The following CLEC16A variants were observed in gnomAD, a reference collection of about 807,000 sequenced individuals.
CLEC16A encodes the protein C-type lectin domain containing 16A.
In CLEC16A, 51 loss-of-function variants were observed where a neutral mutation model predicts 109.5. The observed-to-expected ratio is 0.47, with a 90% CI of 0.37 to 0.59. The LOEUF (loss-of-function observed/expected upper bound fraction) is 0.59, where lower values mean the gene tolerates loss of function less well. CLEC16A is among the 20% of genes least tolerant of loss of function. The pLI, the probability that CLEC16A is intolerant of heterozygous loss-of-function variation, is 0.00. For missense variants in CLEC16A, 1,339 were observed against 1,394.0 expected (o/e 0.96, Z 0.63); for synonymous variants, 673 against 564.2 (o/e 1.19, Z -2.73).
At chr16:11,068,472 T>C (rs1480593986) in intron 19 of CLEC16A, among the ~76,000 whole-genome samples, 1 of 152,148 alleles carries the variant, frequency 6.6e-6, no homozygotes, top group Non-Finnish European at 1.5e-5. Context: ...TTCATGGGAG[T>C]GAACCCTTCT....
chr16:11,054,117 A>G (rs973064537), intron 18 of CLEC16A, among the ~76,000 whole-genome samples: 1 of 152,226 alleles, frequency 6.6e-6, no homozygotes, highest in South Asian at 2.1e-4. Context: ...GGGTGCTGGC[A>G]GGAGCCAGAT....
intron 22 of CLEC16A, 28 bp from the exon 23 acceptor site, chr16:11,166,360 C>T: frequency 6.3e-7 from 1 of 1,575,042 alleles, no homozygotes; most frequent in Non-Finnish European, 8.6e-7. Flanking sequence ...TTTGCTTCCA[C>T]TTGGTCACCT....
At chr16:11,109,169 C>CTTT (rs35252592) in intron 19 of CLEC16A, among the ~76,000 whole-genome samples, 15 of 133,164 alleles carry the variant, frequency 1.1e-4, no homozygotes, top group South Asian at 4.8e-4. Context: ...ACAGCCCTGA[C>CTTT]TTTTTTTTTT....
chr16:11,166,372 GTAC>G lies in CLEC16A; in HGVS notation c.2642-14_2642-12del. On this transcript the variant is annotated splice_polypyrimidine_tract_variant and intron_variant, in intron 22 of 23. Coordinates refer to ENST00000409790, the MANE Select transcript of CLEC16A (RefSeq NM_015226.3). The stretch of plus-strand genomic sequence containing the variant: ...CTCTTTGCTTCCACTTGGTCACCTG[GTAC>G]TTTGTCTTGCAGGCTTCGCCGTGGC... 1 of 1,587,282 alleles carries G rather than the reference GTAC, an allele frequency of 6.3e-7. No individual in the cohort carries two copies. The highest frequency in any genetic ancestry group is 1.1e-5 in the South Asian group (1 of 89,728).
At chr16:11,173,690 G>A (rs1171839705) in intron 23 of CLEC16A, among the ~76,000 whole-genome samples, 1 of 152,082 alleles carries the variant, frequency 6.6e-6, no homozygotes, top group African/African-American at 2.4e-5. Flanking sequence ...CTGGTTTGAT[G>A]CCAGTCCTCC....
intron 1 of CLEC16A, among the ~76,000 whole-genome samples, chr16:10,947,481 T>G (rs1455401958): frequency 6.6e-6 from 1 of 152,004 alleles, no homozygotes; most frequent in Non-Finnish European, 1.5e-5. Context: ...CCAGCGCGGG[T>G]TCTCCAAGAA....
At chr16:10,966,289 G>T (rs929948509) in intron 3 of CLEC16A, among the ~76,000 whole-genome samples, 4 of 152,220 alleles carry the variant, frequency 2.6e-5, no homozygotes, top group Non-Finnish European at 5.9e-5. Flanking sequence ...GGTAATAAGC[G>T]AAAGAGGCCA....
At chr16:11,092,975 C>A (rs1050780366) in intron 19 of CLEC16A, among the ~76,000 whole-genome samples, 11 of 152,198 alleles carry the variant, frequency 7.2e-5, no homozygotes, top group African/African-American at 2.7e-4. Flanking sequence ...CTCCCCCTAC[C>A]CCAGTGTCGA....
chr16:11,174,979 C>G lies in CLEC16A; in HGVS notation c.2807-3356C>G, dbSNP rs942185816. On this transcript the variant is annotated intron_variant, in intron 23 of 23. Transcript: ENST00000409790. The surrounding 1 kb of genome is among the most constrained non-coding windows in gnomAD (Gnocchi z 4.7). ...CTGTGGTTTCTGATGCGCTTTTCTCCATTGGCCGTTGCGCTTGTCTGCTGG... is the reference window on the plus strand; with the variant it reads ...CTGTGGTTTCTGATGCGCTTTTCTCGATTGGCCGTTGCGCTTGTCTGCTGG... 6.6e-6 allele frequency among the ~76,000 whole-genome samples: 1 copy of G among 152,250 alleles called. No homozygotes were observed. Among genetic ancestry groups the G allele is most frequent in the Non-Finnish European group, 1.5e-5 (1 of 68,050 alleles).
At chr16:10,944,865 C>A in intron 1 of CLEC16A, 68 bp downstream of exon 1, 1 of 1,441,846 alleles carries the variant, frequency 6.9e-7, no homozygotes, top group South Asian at 1.2e-5. Context: ...AGCTCCGGGT[C>A]GGGGCTCTAG....
At chr16:11,149,516 G>T (rs768094509) in intron 22 of CLEC16A, among the ~76,000 whole-genome samples, 5 of 151,950 alleles carry the variant, frequency 3.3e-5, no homozygotes, top group Non-Finnish European at 5.9e-5. Flanking sequence ...ATCAGGCTGG[G>T]CACAGTGGCT....
intron 13 of CLEC16A, among the ~76,000 whole-genome samples, chr16:11,037,304 C>T (rs568346697): frequency 3.3e-5 from 5 of 152,272 alleles, no homozygotes; most frequent in African/African-American, 1.2e-4. Context: ...TTCGGGATCA[C>T]CTGAAAGTGG....
At chr16:11,081,215 G>A (rs1020905211) in intron 19 of CLEC16A, among the ~76,000 whole-genome samples, 2 of 152,230 alleles carry the variant, frequency 1.3e-5, no homozygotes, top group African/African-American at 2.4e-5. Context: ...GGCATGCCCA[G>A]TGGGCCCCTG....
intron 1 of CLEC16A, among the ~76,000 whole-genome samples, chr16:10,948,039 GCC>G (rs2041498351): frequency 6.6e-6 from 1 of 151,904 alleles, no homozygotes; most frequent in Non-Finnish European, 1.5e-5. Context: ...GACTACAGGC[GCC>G]CGCCACCACG....
rs780647162 is a variant in CLEC16A at position 10,973,023 on chromosome 16, T to C, written c.690T>C (p.His230=). 1.4e-5 allele frequency: 22 copies of C among 1,610,058 alleles called. No homozygotes were observed. Among genetic ancestry groups the C allele is most frequent in the Non-Finnish European group, 1.8e-5 (21 of 1,178,266 alleles). The change falls in exon 7 of 24, where the codon CAT becomes CAC. Residue 230 remains histidine (H), a synonymous_variant. Transcript: ENST00000409790. The part of the protein sequence containing the change: ...FSNLVWFIGS[H]VIELDDCVQT... ...ATTTGGTCTGGTTCATTGGGAGCCA[T>C]GTGATCGAACTCGATGACTGCGTGC... is the stretch of plus-strand genomic sequence containing the variant.
rs1220444901 is a variant in CLEC16A, at chr16:11,039,854, C to T, written c.1638C>T (p.Ile546=). ...CGCTAGCTGAAAGACTCATCAGGAT[C>T]ATGAACAACGCTGCCCAGCCAGGTG... The part of the protein sequence containing the change: ...NHPLAERLIR[I]MNNAAQPDGK... The change falls in exon 14 of 24, where the codon ATC becomes ATT. Residue 546 remains isoleucine (I), a synonymous_variant. Transcript: ENST00000409790. 1.9e-6 allele frequency: 3 copies of T among 1,612,780 alleles called. No individual in the cohort carries two copies. Among genetic ancestry groups the T allele is most frequent in the African/African-American group, 1.3e-5 (1 of 74,892 alleles).
intron 19 of CLEC16A, among the ~76,000 whole-genome samples, chr16:11,068,244 G>T (rs2048873510): frequency 6.6e-6 from 1 of 152,216 alleles, no homozygotes; most frequent in Non-Finnish European, 1.5e-5. Flanking sequence ...AGAACAATAA[G>T]GTGGATATAG....
Position 10,944,713 on chromosome 16 carries a change from C to G in CLEC16A, c.-5C>G. ...TGAGACGAGAGACGGGTCGGGGCCG[C>G]CGACATGTTTGGCCGCTCGCGGAGC... On this transcript the variant is annotated 5_prime_UTR_variant, in exon 1 of 24. Coordinates refer to ENST00000409790, the MANE Select transcript of CLEC16A (RefSeq NM_015226.3). 1 of 1,604,180 alleles carries G rather than the reference C, an allele frequency of 6.2e-7. No individual in the cohort carries two copies. Among genetic ancestry groups the G allele is most frequent in the Non-Finnish European group, 8.5e-7 (1 of 1,176,236 alleles).
Position 10,977,229 on chromosome 16 carries a change from C to T in CLEC16A, c.733C>T (p.Arg245Trp), listed in dbSNP as rs1385848421. 1.9e-6 allele frequency: 3 copies of T among 1,613,274 alleles called. No individual in the cohort carries two copies. Among genetic ancestry groups the T allele is most frequent in the African/African-American group, 1.3e-5 (1 of 75,034 alleles). ...DDCVQTDEEH[R>W]NRGKLSDLVA... ...GGTGGTCATTTCTCCTGGCAGGCATCGGAATCGGGGTAAACTGAGTGATCT... is the reference window on the plus strand; with the variant it reads ...GGTGGTCATTTCTCCTGGCAGGCATTGGAATCGGGGTAAACTGAGTGATCT... Residue 245 changes from arginine to tryptophan, a missense_variant, in exon 8 of 24, where the codon CGG becomes TGG. Physicochemically the swap from Arg to Trp is moderately radical, Grantham distance 101. This residue lies in a region of CLEC16A where 161 missense variants were observed against 267.1 expected (regional missense o/e 0.60). Coordinates refer to ENST00000409790, the MANE Select transcript of CLEC16A (RefSeq NM_015226.3).
Sources: allele counts gnomAD v4.1 joint callset (sites outside exome capture counted in the v4.1 genomes callset), GRCh38; gene constraint gnomAD v4.1.1; regional missense constraint gnomAD v4.1.1; non-coding constraint Gnocchi (gnomAD v3.1); transcripts MANE v1.5; gene names NCBI Gene and HGNC (gene_info 2026-07-23, HGNC 2026-07-21).